The following DNAH11 variants were observed in gnomAD, a reference collection of about 807,000 sequenced individuals.
DNAH11 encodes the protein axonemal beta dynein heavy chain 11.
DNAH11 carries 442 observed loss-of-function variants against 526.0 expected under a neutral mutation model. That is an observed-to-expected ratio of 0.84 (90% CI 0.78 to 0.91). The LOEUF is 0.91. DNAH11 is among the 40% of genes least tolerant of loss of function. The pLI, the probability that DNAH11 is intolerant of heterozygous loss-of-function variation, is 0.00. For missense variants in DNAH11, 6,989 were observed against 5,448.7 expected, an observed-to-expected ratio of 1.28 and a Z score of -8.90; for synonymous variants, 2,461 against 1,935.9, an observed-to-expected ratio of 1.27 and a Z score of -7.12.
chr7:21,804,545 A>G (rs777904561), intron 62 of DNAH11, among the ~76,000 whole-genome samples: 3 of 152,172 alleles, frequency 2.0e-5, no homozygotes, highest in Non-Finnish European at 4.4e-5. Context: ...CCCTCTCTCC[A>G]TTCCATCTCA....
intron 75 of DNAH11, among the ~76,000 whole-genome samples, chr7:21,881,120 A>G (rs1783909673): frequency 6.6e-6 from 1 of 151,014 alleles, no homozygotes; most frequent in Non-Finnish European, 1.5e-5. Context: ...TCAGCAGCTT[A>G]GTGTAAAAAA....
At position 21,743,381 on chromosome 7, in the gene DNAH11, T is replaced by TAA. The variant is rs1480896161; in HGVS notation, c.8155-1057_8155-1056insAA. Among the ~76,000 whole-genome samples the TAA allele has an allele frequency of 5.3e-5, 8 of 152,310 alleles. No individual in the cohort carries two copies. In the East Asian group the frequency reaches 1.5e-3, roughly 29 times the overall value. On this transcript the variant is annotated intron_variant, in intron 49 of 81. Coordinates refer to ENST00000409508, the MANE Select transcript of DNAH11 (RefSeq NM_001277115.2). ...TTGCTTACCTGGTAAAAGGACAGTGTTTATGTATTTGACTTAGGAAATTCT... is the reference window on the plus strand; with the variant it reads ...TTGCTTACCTGGTAAAAGGACAGTGTAATTATGTATTTGACTTAGGAAATTCT...
In DNAH11 at chr7:21,619,983, G is replaced by C; in HGVS notation, c.4405G>C (p.Ala1469Pro). The change falls in exon 25 of 82, where the codon GCA (alanine) becomes CCA (proline). Residue 1469 changes from alanine to proline, a missense_variant. Coordinates refer to ENST00000409508, the MANE Select transcript of DNAH11 (RefSeq NM_001277115.2). The stretch of plus-strand genomic sequence containing the variant: ...TATTACTGAAATCAGTCAGACCTGG[G>C]CAACCATGAAGTTTTCTTACGAAGT... ...KVITEISQTW[A>P]TMKFSYEVHY... The C allele has an allele frequency of 6.2e-7, 1 of 1,605,164 alleles. No individual in the cohort carries two copies. The highest frequency in any genetic ancestry group is 8.5e-7 in the Non-Finnish European group (1 of 1,177,120).
At chr7:21,757,090 CA>C (rs1786670709) in intron 54 of DNAH11, among the ~76,000 whole-genome samples, 1 of 152,116 alleles carries the variant, frequency 6.6e-6, no homozygotes, top group African/African-American at 2.4e-5. Context: ...TGTATTTTAC[CA>C]ACCAATTCAG....
At chr7:21,775,615 CAAA>C (rs11325043) in intron 56 of DNAH11, among the ~76,000 whole-genome samples, 1 of 148,188 alleles carries the variant, frequency 6.7e-6, no homozygotes, top group Non-Finnish European at 1.5e-5. Flanking sequence ...GACCCTGTCT[CAAA>C]AAAAAAAAAC....
At chr7:21,864,274 A>G (rs1472026825) in intron 69 of DNAH11, among the ~76,000 whole-genome samples, 4 of 152,240 alleles carry the variant, frequency 2.6e-5, no homozygotes, top group Non-Finnish European at 5.9e-5. Context: ...CATATTTTAA[A>G]TATGTTGCTA....
intron 29 of DNAH11, among the ~76,000 whole-genome samples, chr7:21,656,965 C>A (rs1207477159): frequency 6.6e-6 from 1 of 152,138 alleles, no homozygotes; most frequent in Non-Finnish European, 1.5e-5. Context: ...TCTGCTCCCT[C>A]CCAGCAAACT....
At chr7:21,796,833 A>G (rs1359243947) in intron 61 of DNAH11, among the ~76,000 whole-genome samples, 2 of 152,336 alleles carry the variant, frequency 1.3e-5, no homozygotes, top group African/African-American at 4.8e-5. Flanking sequence ...GCATTAACAC[A>G]TGTCAAATAC....
At chr7:21,631,911 A>G (rs754153939) in intron 25 of DNAH11, among the ~76,000 whole-genome samples, 2 of 152,132 alleles carry the variant, frequency 1.3e-5, no homozygotes, top group Non-Finnish European at 2.9e-5. Flanking sequence ...CTGATCCCAC[A>G]TTTCCCTTCT....
At chr7:21,791,728 T>C (rs1024167689) in intron 61 of DNAH11, among the ~76,000 whole-genome samples, 1 of 152,222 alleles carries the variant, frequency 6.6e-6, no homozygotes, top group African/African-American at 2.4e-5. Context: ...CAACATACAG[T>C]AGACACTTCA....
At position 21,548,283 on chromosome 7, in the gene DNAH11, A is replaced by G. The variant is rs371564824; in HGVS notation, c.495+3134A>G. The stretch of plus-strand genomic sequence containing the variant: ...TAGTGCAAGCCTGTTTTCTCAGGCT[A>G]TTTGGCTGGTGGCATTTAACTGGCT... On this transcript the variant is annotated intron_variant, in intron 2 of 81. Coordinates refer to ENST00000409508, the MANE Select transcript of DNAH11 (RefSeq NM_001277115.2). Among the ~76,000 whole-genome samples, 9 of 152,122 alleles carry G rather than the reference A, an allele frequency of 5.9e-5. No homozygotes were observed. In the East Asian group the frequency reaches 9.6e-4, roughly 16 times the overall value.
intron 2 of DNAH11, among the ~76,000 whole-genome samples, chr7:21,554,080 C>G (rs1332581918): frequency 1.3e-5 from 2 of 151,448 alleles, no homozygotes; most frequent in Admixed American, 6.6e-5. Flanking sequence ...TCTCCAATGC[C>G]TTTGAGACCT....
intron 68 of DNAH11, among the ~76,000 whole-genome samples, chr7:21,861,560 A>G (rs1286430520): frequency 1.3e-5 from 2 of 152,214 alleles, no homozygotes; most frequent in Non-Finnish European, 2.9e-5. Context: ...TCCTACCACA[A>G]TCAAATACTA....
intron 61 of DNAH11, among the ~76,000 whole-genome samples, chr7:21,798,858 T>C (rs1788835738): frequency 6.6e-6 from 1 of 151,914 alleles, no homozygotes; most frequent in Non-Finnish European, 1.5e-5. Context: ...ATTTTTGTTT[T>C]GTTAATATTG....
chr7:21,651,927 G>C (rs1243116344), intron 28 of DNAH11, among the ~76,000 whole-genome samples: 2 of 152,194 alleles, frequency 1.3e-5, no homozygotes, highest in African/African-American at 2.4e-5. Flanking sequence ...CCACTGTGCT[G>C]CTTTTACTCA....
At chr7:21,557,659 C>T (rs1235847173) in intron 2 of DNAH11, among the ~76,000 whole-genome samples, 1 of 152,186 alleles carries the variant, frequency 6.6e-6, no homozygotes, top group Non-Finnish European at 1.5e-5. Context: ...TCAGAGGACA[C>T]ATATTCACAC....
At chr7:21,728,910 G>T (rs1042844459) in intron 45 of DNAH11, among the ~76,000 whole-genome samples, 1 of 152,232 alleles carries the variant, frequency 6.6e-6, no homozygotes, top group African/African-American at 2.4e-5. Context: ...CCTGTACCGG[G>T]GCCCACTGGG....
At chr7:21,544,351 C>T (rs997703958) in intron 1 of DNAH11, among the ~76,000 whole-genome samples, 2 of 152,126 alleles carry the variant, frequency 1.3e-5, no homozygotes, top group African/African-American at 4.8e-5. Flanking sequence ...GAAATAGGAT[C>T]TCAGAGAAGA....
intron 28 of DNAH11, among the ~76,000 whole-genome samples, chr7:21,654,005 A>G (rs1303725267): frequency 6.6e-6 from 1 of 152,200 alleles, no homozygotes. Flanking sequence ...AGTTTGTTAC[A>G]GCAGTGGCGC....
Sources: allele counts gnomAD v4.1 joint callset (sites outside exome capture counted in the v4.1 genomes callset), GRCh38; gene constraint gnomAD v4.1.1; transcripts MANE v1.5; gene names NCBI Gene and HGNC (gene_info 2026-07-23, HGNC 2026-07-21).